The following KIAA1217 variants were observed in gnomAD, a reference collection of about 807,000 sequenced individuals.
The protein encoded by KIAA1217 is sickle tail protein homolog.
A neutral mutation model predicts 163.9 loss-of-function variants in KIAA1217; 88 were observed. That is an observed-to-expected ratio of 0.54 (90% CI 0.45 to 0.64). KIAA1217 has a LOEUF of 0.64. Among genes scored for constraint, KIAA1217 ranks in the 30% least tolerant of loss-of-function variants. The pLI is 0.00. For missense variants in KIAA1217, 2,372 were observed against 2,475.0 expected (o/e 0.96, Z 0.88); for synonymous variants, 903 against 923.1 (o/e 0.98, Z 0.39).
intron 2 of KIAA1217, among the ~76,000 whole-genome samples, chr10:24,310,256 G>A (rs1424647893): frequency 1.3e-5 from 2 of 152,308 alleles, no homozygotes; most frequent in African/African-American, 4.8e-5. Flanking sequence ...ACCAGGTAGC[G>A]CTGTAAACTC....
chr10:23,794,463 C>A (rs182237520), intron 1 of KIAA1217, among the ~76,000 whole-genome samples: 48 of 152,248 alleles, frequency 3.2e-4, no homozygotes, highest in African/African-American at 1.1e-3. Context: ...ACGTTTTTCC[C>A]TCAGGCTTTT....
intron 2 of KIAA1217, among the ~76,000 whole-genome samples, chr10:24,110,815 A>G (rs2062817070): frequency 6.6e-6 from 1 of 152,246 alleles, no homozygotes; most frequent in Non-Finnish European, 1.5e-5. Context: ...TGGAGAAAAA[A>G]TACTCAGGTT....
intron 2 of KIAA1217, among the ~76,000 whole-genome samples, chr10:24,071,859 A>G (rs1589391058): frequency 1.3e-5 from 2 of 152,336 alleles, no homozygotes; most frequent in East Asian, 3.9e-4. Flanking sequence ...CAGATAGTAG[A>G]GAGGTGAAAA....
chr10:23,936,250 C>T (rs1176333616), intron 1 of KIAA1217, among the ~76,000 whole-genome samples: 1 of 151,990 alleles, frequency 6.6e-6, no homozygotes, highest in Admixed American at 6.6e-5. Flanking sequence ...CATGATGTCA[C>T]CCATAAAGGT....
At chr10:24,267,513 A>T (rs930024466) in intron 2 of KIAA1217, among the ~76,000 whole-genome samples, 6 of 152,142 alleles carry the variant, frequency 3.9e-5, no homozygotes, top group Non-Finnish European at 8.8e-5. Flanking sequence ...GGATCTTGCC[A>T]TGTTGCCCAC....
chr10:23,909,181 A>G (rs140823428), intron 1 of KIAA1217, among the ~76,000 whole-genome samples: 480 of 152,186 alleles, frequency 3.2e-3, no homozygotes, highest in African/African-American at 0.011. Context: ...GAATGACACA[A>G]TGGACTTTGC....
intron 1 of KIAA1217, among the ~76,000 whole-genome samples, chr10:23,897,459 A>G (rs1841756299): frequency 6.6e-6 from 1 of 152,020 alleles, no homozygotes; most frequent in Admixed American, 6.6e-5. Context: ...GTTCACTGGT[A>G]TCAGAGAAAC....
chr10:24,178,452 T>G (rs575314316), intron 2 of KIAA1217, among the ~76,000 whole-genome samples: 1 of 152,322 alleles, frequency 6.6e-6, no homozygotes, highest in East Asian at 1.9e-4. Context: ...TCTTCTGAGG[T>G]GCTATGATGG....
chr10:23,854,504 G>T (rs990766165), intron 1 of KIAA1217, among the ~76,000 whole-genome samples: 7 of 152,118 alleles, frequency 4.6e-5, no homozygotes, highest in African/African-American at 1.7e-4. Context: ...ATGTGGGGTG[G>T]AGAGTTCTGT....
chr10:23,758,064 A>G (rs1389463778), intron 1 of KIAA1217, among the ~76,000 whole-genome samples: 1 of 152,160 alleles, frequency 6.6e-6, no homozygotes, highest in South Asian at 2.1e-4. Context: ...TTTTGATGGA[A>G]TCCAATTTGT....
Position 24,404,566 on chromosome 10 carries a change from C to CAA in KIAA1217, c.553+23525_553+23526dup, listed in dbSNP as rs57209065. Among the ~76,000 whole-genome samples, 172 of 51,128 alleles carry CAA rather than the reference C, an allele frequency of 3.4e-3. 5 individuals carry two copies. Among genetic ancestry groups the CAA allele is most frequent in the African/African-American group, 7.8e-3 (115 of 14,782 alleles). 33.5% of individuals were successfully genotyped at this position (51,128 alleles called of 152,430 possible). A position where few individuals can be genotyped will look rare whatever the true frequency, so the allele number is the denominator to read the frequency against. On this transcript the variant is annotated intron_variant, in intron 3 of 20. Coordinates refer to ENST00000376454, the MANE Select transcript of KIAA1217 (RefSeq NM_019590.5). ...TGGGCAACAGAATGAGACTCTGTCT[C>CAA]AAAAAAAAAAAAAAAAAAAAAAAAA...
chr10:24,059,482 T>A (rs753137606), intron 2 of KIAA1217, among the ~76,000 whole-genome samples: 5 of 152,184 alleles, frequency 3.3e-5, no homozygotes, highest in Non-Finnish European at 5.9e-5. Context: ...TTTGGTTGAA[T>A]TTACCAGTGA....
At chr10:24,305,723 G>A (rs941406210) in intron 2 of KIAA1217, among the ~76,000 whole-genome samples, 3 of 152,172 alleles carry the variant, frequency 2.0e-5, no homozygotes, top group Non-Finnish European at 2.9e-5. Flanking sequence ...TGTCATTCTA[G>A]CATGAGGAGC....
chr10:23,948,408 T>C (rs1243131766), intron 1 of KIAA1217, among the ~76,000 whole-genome samples: 1 of 152,200 alleles, frequency 6.6e-6, no homozygotes, highest in Non-Finnish European at 1.5e-5. Flanking sequence ...AGATTGAAGG[T>C]CATGTTCAAT....
At chr10:24,324,044 A>G (rs184079348) in intron 2 of KIAA1217, among the ~76,000 whole-genome samples, 19 of 152,118 alleles carry the variant, frequency 1.2e-4, no homozygotes, top group African/African-American at 4.6e-4. Flanking sequence ...AGGTGGGAGG[A>G]TTGCTTGAGG....
chr10:24,255,596 G>C, intron 2 of KIAA1217: 3 of 452,578 alleles, frequency 6.6e-6, no homozygotes, highest in Non-Finnish European at 8.9e-6. Flanking sequence ...ACAGGAGCAA[G>C]GTACAGGAGT....
At chr10:23,987,797 C>G (rs1846048478) in intron 1 of KIAA1217, among the ~76,000 whole-genome samples, 1 of 152,158 alleles carries the variant, frequency 6.6e-6, no homozygotes, top group Admixed American at 6.5e-5. Context: ...CCCAGCTCCT[C>G]TCATCTTATT....
chr10:24,090,501 C>G (rs565641709), intron 2 of KIAA1217, among the ~76,000 whole-genome samples: 9 of 151,412 alleles, frequency 5.9e-5, no homozygotes, highest in African/African-American at 1.7e-4. Flanking sequence ...AAACACATCT[C>G]CAAACAGAGC....
chr10:24,451,604 A>G (rs2061377955), intron 5 of KIAA1217, among the ~76,000 whole-genome samples: 1 of 152,244 alleles, frequency 6.6e-6, no homozygotes, highest in Non-Finnish European at 1.5e-5. Context: ...AGGATTGGCT[A>G]CACAACCAAC....
Sources: allele counts gnomAD v4.1 joint callset (sites outside exome capture counted in the v4.1 genomes callset), GRCh38; gene constraint gnomAD v4.1.1; transcripts MANE v1.5; gene names NCBI Gene and HGNC (gene_info 2026-07-23, HGNC 2026-07-21).